SPAST: variants seen among roughly 807,000 people sequenced by gnomAD.
The protein encoded by SPAST is spastin.
Under a neutral mutation model 76.6 loss-of-function variants are expected in SPAST, and 30 were observed. That is an observed-to-expected ratio of 0.39 (90% CI 0.29 to 0.53). The LOEUF (loss-of-function observed/expected upper bound fraction) is 0.53. SPAST is among the 20% of genes least tolerant of loss of function. SPAST has a pLI of 0.68. For missense variants in SPAST, 717 were observed against 770.5 expected, an observed-to-expected ratio of 0.93 and a Z score of 0.82; for synonymous variants, 305 against 281.0, an observed-to-expected ratio of 1.09 and a Z score of -0.86.
At chr2:32,077,785 C>T (rs1677024467) in intron 1 of SPAST, 1 of 152,156 alleles carries the variant, frequency 6.6e-6, no homozygotes, top group African/African-American at 2.4e-5. Flanking sequence ...ATATCTCTTA[C>T]CTCTATTTAA....
chr2:32,142,863 A>G (rs976006074), intron 13 of SPAST, among the ~76,000 whole-genome samples: 1 of 152,188 alleles, frequency 6.6e-6, no homozygotes, highest in East Asian at 1.9e-4. Context: ...ATTGAATTAT[A>G]TACTTACAAT....
intron 1 of SPAST, 30 bp downstream of exon 1, chr2:32,064,276 GGCGCC>G: frequency 6.7e-7 from 1 of 1,493,664 alleles, no homozygotes; most frequent in South Asian, 1.2e-5. Context: ...AGGGGGCGGC[GGCGCC>G]GGGAAGAAGG....
intron 7 of SPAST, among the ~76,000 whole-genome samples, chr2:32,116,943 G>A (rs987821640): frequency 6.6e-6 from 1 of 151,996 alleles, no homozygotes; most frequent in Non-Finnish European, 1.5e-5. Flanking sequence ...CTCCATCCTG[G>A]GTGACAGAGC....
chr2:32,110,880 T>A (rs926124787), intron 4 of SPAST, among the ~76,000 whole-genome samples: 65 of 101,524 alleles, frequency 6.4e-4, no homozygotes, highest in Non-Finnish European at 1.1e-3. Context: ...TACTATATCG[T>A]GTGTATAGAG....
At chr2:32,109,787 CATAT>C (rs1006881607) in intron 4 of SPAST, among the ~76,000 whole-genome samples, 1 of 147,666 alleles carries the variant, frequency 6.8e-6, no homozygotes, top group Non-Finnish European at 1.5e-5. Context: ...TATGCACATA[CATAT>C]ATAGTTACAT....
chr2:32,100,264 T>C (rs1405234985), intron 4 of SPAST, among the ~76,000 whole-genome samples: 2 of 151,932 alleles, frequency 1.3e-5, no homozygotes, highest in African/African-American at 4.8e-5. Context: ...TAATTAACGA[T>C]GTTGAGCATT....
At chr2:32,103,939 T>C (rs1573096288) in intron 4 of SPAST, among the ~76,000 whole-genome samples, 1 of 152,194 alleles carries the variant, frequency 6.6e-6, no homozygotes, top group African/African-American at 2.4e-5. Context: ...AGAATGTATA[T>C]TCTGTTGATT....
rs200098782 is a variant in SPAST at position 32,066,994 on chromosome 2, C to A, written c.415+2748C>A. Among the ~76,000 whole-genome samples, 440 of 46,430 alleles carry A rather than the reference C, an allele frequency of 9.5e-3. 1 individual carries two copies. The highest frequency in any genetic ancestry group is 0.026 in the Middle Eastern group (2 of 78). 30.5% of individuals were successfully genotyped at this position (46,430 alleles called of 152,430 possible). On this transcript the variant is annotated intron_variant, in intron 1 of 16. Coordinates refer to ENST00000315285, the MANE Select transcript of SPAST (RefSeq NM_014946.4). ...TCTCAAAAAAAAAAAAAAAAAAAAC[C>A]AAAAAAAAAAAAACTGTTTTAATTG... is the stretch of plus-strand genomic sequence containing the variant.
chr2:32,068,287 A>G (rs569515188), intron 1 of SPAST, among the ~76,000 whole-genome samples: 1 of 147,884 alleles, frequency 6.8e-6, no homozygotes, highest in African/African-American at 2.5e-5. Context: ...ACATATTTTG[A>G]TTTCTAATGT....
intron 1 of SPAST, among the ~76,000 whole-genome samples, chr2:32,075,894 C>CTTTTTTTTTTT (rs1286144548): frequency 2.3e-5 from 2 of 87,162 alleles, no homozygotes; most frequent in Non-Finnish European, 4.3e-5. Context: ...ATTCAAAATG[C>CTTTTTTTTTTT]TCTTTTTTTT....
chr2:32,153,513 A>G (rs1022123134), intron 16 of SPAST, among the ~76,000 whole-genome samples: 13 of 150,878 alleles, frequency 8.6e-5, no homozygotes, highest in South Asian at 2.1e-4. Context: ...ACGGGGTTTC[A>G]CCATGTTGGC....
intron 1 of SPAST, among the ~76,000 whole-genome samples, chr2:32,078,113 C>G (rs1353671307): frequency 6.6e-6 from 1 of 151,736 alleles, no homozygotes; most frequent in African/African-American, 2.4e-5. Context: ...GCCTCAGCCT[C>G]CCAAGTAGCT....
intron 1 of SPAST, among the ~76,000 whole-genome samples, chr2:32,074,394 A>G (rs1417274497): frequency 6.6e-6 from 1 of 152,142 alleles, no homozygotes; most frequent in Non-Finnish European, 1.5e-5. Flanking sequence ...ACAGAGTGGC[A>G]TTATTTCATG....
chr2:32,132,968 C>T (rs1446562202), intron 9 of SPAST, among the ~76,000 whole-genome samples: 1 of 152,100 alleles, frequency 6.6e-6, no homozygotes, highest in African/African-American at 2.4e-5. Flanking sequence ...ATCACTTGAG[C>T]CCAGGAGGCG....
intron 1 of SPAST, among the ~76,000 whole-genome samples, chr2:32,082,060 C>G (rs1325375305): frequency 1.4e-5 from 2 of 142,874 alleles, no homozygotes; most frequent in Admixed American, 1.4e-4. Context: ...GTGCGACCTC[C>G]CTTACTGCAA....
chr2:32,106,695 T>C (rs1427925181), intron 4 of SPAST, among the ~76,000 whole-genome samples: 1 of 152,226 alleles, frequency 6.6e-6, no homozygotes, highest in Non-Finnish European at 1.5e-5. Context: ...ATCAACTCTT[T>C]CCCTTGTGGC....
At chr2:32,094,472 G>A (rs922922022) in intron 3 of SPAST, among the ~76,000 whole-genome samples, 4 of 152,180 alleles carry the variant, frequency 2.6e-5, no homozygotes, top group African/African-American at 9.7e-5. Flanking sequence ...AGAGAAGTAA[G>A]AGCCAATACA....
chr2:32,083,723 TATATATACTATATATA>T, intron 1 of SPAST, among the ~76,000 whole-genome samples: 1 of 76,736 alleles, frequency 1.3e-5, no homozygotes, highest in African/African-American at 4.9e-5. Flanking sequence ...TATATATATT[TATATATACTATATATA>T]TTTATATATA....
rs115319937 is a variant in SPAST at position 32,074,516 on chromosome 2, T to G, written c.415+10270T>G. Among the ~76,000 whole-genome samples the G allele has an allele frequency of 7.6e-3, 1,148 of 151,676 alleles. 14 individuals carry two copies. Among genetic ancestry groups the G allele is most frequent in the African/African-American group, 0.025 (1,015 of 41,398 alleles). On this transcript the variant is annotated intron_variant, in intron 1 of 16. Coordinates refer to ENST00000315285, the MANE Select transcript of SPAST (RefSeq NM_014946.4). The stretch of plus-strand genomic sequence containing the variant: ...TTTCTCAGCTTTTTTTTTTGTTGTT[T>G]TTTTTTTAAAATAGAGTCTGGCTCT...
Sources: allele counts gnomAD v4.1 joint callset (sites outside exome capture counted in the v4.1 genomes callset), GRCh38; gene constraint gnomAD v4.1.1; transcripts MANE v1.5; gene names NCBI Gene and HGNC (gene_info 2026-07-23, HGNC 2026-07-21).